ABTB3: variants seen among roughly 807,000 people sequenced by gnomAD.
ABTB3 encodes ankyrin repeat and BTB domain containing 3.
chr12:107,554,797 AGTT>A, the ABTB3 span, among the ~76,000 whole-genome samples: 1 of 152,212 alleles, frequency 6.6e-6, no homozygotes, highest in African/African-American at 2.4e-5. Flanking sequence ...AACAAGGTAT[AGTT>A]GTTTTTTGTG....
the ABTB3 span, among the ~76,000 whole-genome samples, chr12:107,482,985 TTTCCTTCCTTCC>T: frequency 3.3e-3 from 70 of 21,200 alleles, no homozygotes; most frequent in African/African-American, 1.0e-2. Context: ...TCTTTCTTTC[TTTCCTTCCTTCC>T]TTCCTTCCTT....
the ABTB3 span, chr12:107,318,899 C>T: frequency 7.8e-6 from 12 of 1,537,562 alleles, no homozygotes; most frequent in South Asian, 1.5e-4. Context: ...GCCGCTCCTT[C>T]CCTTTGGCTC....
chr12:107,334,963 C>A, the ABTB3 span, among the ~76,000 whole-genome samples: 1 of 152,102 alleles, frequency 6.6e-6, no homozygotes, highest in Non-Finnish European at 1.5e-5. Context: ...TGTCTGCAAC[C>A]CTTGGGGACT....
At chr12:107,460,026 T>A in the ABTB3 span, among the ~76,000 whole-genome samples, 3 of 152,222 alleles carry the variant, frequency 2.0e-5, no homozygotes, top group Admixed American at 6.5e-5. Context: ...CCCTGTACCC[T>A]CCTGGTGCCC....
the ABTB3 span, among the ~76,000 whole-genome samples, chr12:107,385,750 C>G: frequency 9.2e-5 from 14 of 152,174 alleles, no homozygotes; most frequent in Admixed American, 5.2e-4. Flanking sequence ...GTGCACCCCC[C>G]CAAGCCCTGA....
chr12:107,437,409 T>C, the ABTB3 span, among the ~76,000 whole-genome samples: 1 of 151,538 alleles, frequency 6.6e-6, no homozygotes, highest in Non-Finnish European at 1.5e-5. Flanking sequence ...TTCTTTTTTT[T>C]TTTTTGAGAT....
At chr12:107,576,595 A>G in the ABTB3 span, among the ~76,000 whole-genome samples, 1 of 152,182 alleles carries the variant, frequency 6.6e-6, no homozygotes, top group Non-Finnish European at 1.5e-5. Flanking sequence ...AAATACAGGC[A>G]TATGCTGAGT....
At chr12:107,378,241 A>C in the ABTB3 span, among the ~76,000 whole-genome samples, 1 of 152,108 alleles carries the variant, frequency 6.6e-6, no homozygotes, top group African/African-American at 2.4e-5. Flanking sequence ...TCTTAACCTC[A>C]AGTCACTTAA....
the ABTB3 span, among the ~76,000 whole-genome samples, chr12:107,416,739 C>T: frequency 4.6e-3 from 697 of 152,334 alleles, 16 homozygotes; most frequent in Admixed American, 6.7e-3. Context: ...AGTGGTCCTA[C>T]TGCCTCAGCC....
the ABTB3 span, among the ~76,000 whole-genome samples, chr12:107,592,412 A>G: frequency 6.6e-6 from 1 of 152,236 alleles, no homozygotes; most frequent in African/African-American, 2.4e-5. Context: ...GTCTTCCCAT[A>G]TAGAAATAAG....
chr12:107,533,497 A>G, the ABTB3 span, among the ~76,000 whole-genome samples: 1 of 152,226 alleles, frequency 6.6e-6, no homozygotes, highest in Non-Finnish European at 1.5e-5. Flanking sequence ...ACAAAAATAG[A>G]CTTTAAGTCA....
At chr12:107,420,116 C>G in the ABTB3 span, among the ~76,000 whole-genome samples, 1 of 152,088 alleles carries the variant, frequency 6.6e-6, no homozygotes, top group Non-Finnish European at 1.5e-5. Flanking sequence ...AGAGTCAAAC[C>G]CAAAGCAAGG....
At chr12:107,438,454 C>T in the ABTB3 span, among the ~76,000 whole-genome samples, 1 of 152,160 alleles carries the variant, frequency 6.6e-6, no homozygotes, top group East Asian at 1.9e-4. Context: ...TCTGGTGGAG[C>T]TGTGTGTGAA....
At chr12:107,569,014 A>T in the ABTB3 span, among the ~76,000 whole-genome samples, 2 of 152,224 alleles carry the variant, frequency 1.3e-5, no homozygotes, top group Non-Finnish European at 2.9e-5. Context: ...CATTTAACCC[A>T]TTCTGTCATA....
chr12:107,608,491 A>AC, the ABTB3 span, among the ~76,000 whole-genome samples: 2 of 152,120 alleles, frequency 1.3e-5, no homozygotes, highest in Non-Finnish European at 2.9e-5. Flanking sequence ...GTTTACCCTC[A>AC]CACAACCTGT....
At chr12:107,440,248 C>T in the ABTB3 span, among the ~76,000 whole-genome samples, 1 of 152,224 alleles carries the variant, frequency 6.6e-6, no homozygotes, top group Admixed American at 6.5e-5. Flanking sequence ...GGTTCTGTGT[C>T]ATCTGCTTCC....
the ABTB3 span, among the ~76,000 whole-genome samples, chr12:107,554,008 A>T: frequency 6.6e-6 from 1 of 152,132 alleles, no homozygotes; most frequent in Non-Finnish European, 1.5e-5. Context: ...AAGAGACCAG[A>T]ACTGTGTCTG....
the ABTB3 span, among the ~76,000 whole-genome samples, chr12:107,391,373 T>G: frequency 2.6e-5 from 4 of 152,248 alleles, no homozygotes; most frequent in East Asian, 7.7e-4. Flanking sequence ...CCGGACCACC[T>G]CTTGTAAGGG....
At chr12:107,391,976 T>A in the ABTB3 span, among the ~76,000 whole-genome samples, 2 of 152,208 alleles carry the variant, frequency 1.3e-5, no homozygotes, top group Non-Finnish European at 2.9e-5. Flanking sequence ...TAACTTCAGA[T>A]CTGGGTTCTG....
Sources: gnomAD v4.1 joint callset for allele counts (sites outside exome capture counted in the v4.1 genomes callset) on GRCh38, gnomAD v4.1.1 for gene constraint, MANE v1.5 for transcripts, NCBI Gene and HGNC (gene_info 2026-07-23, HGNC 2026-07-21) for gene names.